Variants in SLC2A9 observed in about 807,000 individuals in gnomAD.
SLC2A9 encodes solute carrier family 2, facilitated glucose transporter member 9.
A neutral mutation model predicts 50.6 loss-of-function variants in SLC2A9; 39 were observed. The ratio of observed to expected loss-of-function variants is 0.77; its 90% CI spans 0.60 to 1.01. The LOEUF is 1.01. SLC2A9 is among the 50% of genes least tolerant of loss of function. SLC2A9 has a pLI of 0.00. For synonymous variants in SLC2A9, 324 were observed against 276.9 expected (o/e 1.17, Z -1.69); for missense variants, 686 against 677.6 (o/e 1.01, Z -0.14).
chr4:9,996,813 T>C lies in SLC2A9; in HGVS notation c.378A>G (p.Leu126=). The C allele has an allele frequency of 6.2e-7, 1 of 1,614,024 alleles. No individual in the cohort carries two copies. The highest frequency in any genetic ancestry group is 8.5e-7 in the Non-Finnish European group (1 of 1,179,942). Residue 126 remains leucine (L), a synonymous_variant, in exon 3 of 12, where the codon TTA becomes TTG. Transcript: ENST00000264784. ...GAACCTTTCCAATCATCTTCACAAT[T>C]AACGTCCCCACAAGTCCACCGATGG... The part of the protein sequence containing the change: ...IFAIGGLVGT[L]IVKMIGKVLG...
At chr4:10,026,705 G>C (rs1241502249) in intron 1 of SLC2A9, among the ~76,000 whole-genome samples, 2 of 152,190 alleles carry the variant, frequency 1.3e-5, no homozygotes, top group African/African-American at 4.8e-5. Context: ...CGCTGATACA[G>C]GCTACAACAT....
chr4:9,917,168 A>G (rs1398447093), intron 7 of SLC2A9, among the ~76,000 whole-genome samples: 1 of 152,178 alleles, frequency 6.6e-6, no homozygotes, highest in Non-Finnish European at 1.5e-5. Flanking sequence ...CAGCTGCCTA[A>G]AATAAGTCAC....
intron 10 of SLC2A9, among the ~76,000 whole-genome samples, chr4:9,857,711 C>T (rs1032563499): frequency 2.0e-5 from 3 of 152,254 alleles, no homozygotes; most frequent in Admixed American, 6.5e-5. Flanking sequence ...ACAGCAGGAA[C>T]TTGCCCTGAA....
intron 2 of SLC2A9, chr4:10,009,649 G>A (rs1381448892): frequency 2.0e-5 from 3 of 152,142 alleles, no homozygotes; most frequent in African/African-American, 7.2e-5. Flanking sequence ...AAAAACCACT[G>A]GAAAAGTGAG....
At chr4:9,888,891 G>C (rs1278197500) in intron 9 of SLC2A9, among the ~76,000 whole-genome samples, 2 of 152,084 alleles carry the variant, frequency 1.3e-5, no homozygotes, top group Non-Finnish European at 2.9e-5. Context: ...TACACTGTAT[G>C]GCTTGCTTCT....
rs1175166447 is a variant in SLC2A9, at chr4:9,845,427, C to CTTTTTTTTTTTTTTTTTTTTTTTT, written c.1292-10420_1292-10419insAAAAAAAAAAAAAAAAAAAAAAAA. Among the ~76,000 whole-genome samples the CTTTTTTTTTTTTTTTTTTTTTTTT allele has an allele frequency of 2.2e-4, 24 of 108,678 alleles. 2 individuals are homozygous for CTTTTTTTTTTTTTTTTTTTTTTTT. The highest frequency in any genetic ancestry group is 4.5e-4 in the African/African-American group (11 of 24,534). 71.3% of individuals were successfully genotyped at this position (108,678 alleles called of 152,430 possible). ...CCAATGGAACCACGATCATCAATTT[C>CTTTTTTTTTTTTTTTTTTTTTTTT]TTTTTTTTTTTTTTTTTTTTGAGAC... On this transcript the variant is annotated intron_variant, in intron 10 of 11. Transcript: ENST00000264784.
At chr4:9,985,325 C>T (rs1280643581) in intron 4 of SLC2A9, among the ~76,000 whole-genome samples, 1 of 152,132 alleles carries the variant, frequency 6.6e-6, no homozygotes, top group African/African-American at 2.4e-5. Context: ...GAAGAAACCC[C>T]ATCCTCATAA....
chr4:9,849,515 T>C (rs916968882), intron 10 of SLC2A9, among the ~76,000 whole-genome samples: 3 of 152,216 alleles, frequency 2.0e-5, no homozygotes, highest in East Asian at 3.8e-4. Context: ...TGTTTTGACA[T>C]AGACTTTCTT....
intron 3 of SLC2A9, among the ~76,000 whole-genome samples, chr4:9,790,570 T>C (rs946027424): frequency 1.3e-5 from 2 of 152,146 alleles, no homozygotes; most frequent in African/African-American, 2.4e-5. Context: ...TGGAGGGGCC[T>C]GGTTAATAAA....
At chr4:9,784,999 T>A (rs1458956732) in intron 3 of SLC2A9, among the ~76,000 whole-genome samples, 1 of 152,156 alleles carries the variant, frequency 6.6e-6, no homozygotes, top group African/African-American at 2.4e-5. Context: ...TGAAAGCAAA[T>A]CCTATTCAGT....
In SLC2A9 at chr4:10,018,983, G is replaced by A; in HGVS notation, c.241C>T (p.Pro81Ser). The A allele has an allele frequency of 1.9e-6, 3 of 1,549,838 alleles. No homozygotes were observed. The highest frequency in any genetic ancestry group is 1.7e-6 in the Non-Finnish European group (2 of 1,146,868). Residue 81 changes from proline to serine, a missense_variant, in exon 2 of 12, where the codon CCC becomes TCC. Physicochemically the swap from Pro to Ser is moderately conservative, Grantham distance 74. Transcript: ENST00000264784. ...YGYNLSVVNAPTPYIKAFYNE... is the reference protein window; with the variant it reads ...YGYNLSVVNASTPYIKAFYNE... ...CCTTGGCGCGCACTCACCGGGGTGG[G>A]GGCATTCACCACCGACAGGTTGTAG...
intron 2 of SLC2A9, among the ~76,000 whole-genome samples, chr4:10,008,144 C>T (rs1052897473): frequency 1.3e-5 from 2 of 152,254 alleles, no homozygotes; most frequent in Non-Finnish European, 2.9e-5. Context: ...CTAAGCTGAG[C>T]TTCCTGGAGA....
At chr4:10,009,372 T>C (rs1761371310) in intron 2 of SLC2A9, 1 of 152,248 alleles carries the variant, frequency 6.6e-6, no homozygotes, top group Non-Finnish European at 1.5e-5. Context: ...TTCACTTGAA[T>C]CTTGTTTGAT....
intron 6 of SLC2A9, among the ~76,000 whole-genome samples, chr4:9,932,530 G>T (rs1303391456): frequency 2.6e-5 from 4 of 152,234 alleles, no homozygotes; most frequent in Non-Finnish European, 5.9e-5. Flanking sequence ...GCAGTGAGAA[G>T]AGGGGACACT....
In SLC2A9 at chr4:9,904,755, G is replaced by T. The variant is rs568311158; in HGVS notation, c.1113+3480C>A. Among the ~76,000 whole-genome samples the T allele has an allele frequency of 2.6e-5, 4 of 152,306 alleles. No homozygotes were observed. The South Asian group carries it at 8.3e-4, about 32-fold the overall frequency. On this transcript the variant is annotated intron_variant, in intron 8 of 11. Coordinates refer to ENST00000264784, the MANE Select transcript of SLC2A9 (RefSeq NM_020041.3). ...GAATTCAGAGTAGCCTCATCCTAAA[G>T]CCAAAGCTGTTTCTCCCCAGAACAT...
Position 9,858,811 on chromosome 4 carries a change from G to A in SLC2A9, c.1292-23803C>T, listed in dbSNP as rs185957569. 5.2e-3 allele frequency among the ~76,000 whole-genome samples: 799 copies of A among 152,306 alleles called. 4 individuals carry two copies. Among genetic ancestry groups the A allele is most frequent in the African/African-American group, 0.018 (733 of 41,568 alleles). On this transcript the variant is annotated intron_variant, in intron 10 of 11. Transcript: ENST00000264784. ...CCAAAGGAGATTAACATTTGAGTCA[G>A]TGGACTGGGAGAGGCAGACCCACCC...
chr4:9,910,096 G>T (rs1741438895), intron 7 of SLC2A9, among the ~76,000 whole-genome samples: 1 of 152,264 alleles, frequency 6.6e-6, no homozygotes, highest in Non-Finnish European at 1.5e-5. Flanking sequence ...GGCATACCAA[G>T]AGATGCCAGT....
At chr4:9,845,423 A>ATTTTTTTTTTTTTTTT (rs1183351674) in intron 10 of SLC2A9, among the ~76,000 whole-genome samples, 40 of 130,770 alleles carry the variant, frequency 3.1e-4, no homozygotes, top group African/African-American at 1.1e-3. Flanking sequence ...ACGATCATCA[A>ATTTTTTTTTTTTTTTT]TTTCTTTTTT....
intron 5 of SLC2A9, among the ~76,000 whole-genome samples, chr4:9,949,756 G>T (rs1749872025): frequency 6.6e-6 from 1 of 152,120 alleles, no homozygotes; most frequent in Non-Finnish European, 1.5e-5. Flanking sequence ...CTCCTCTATG[G>T]CAGGTCCTAT....
Sources: allele counts gnomAD v4.1 joint callset (sites outside exome capture counted in the v4.1 genomes callset), GRCh38; gene constraint gnomAD v4.1.1; transcripts MANE v1.5; gene names NCBI Gene and HGNC (gene_info 2026-07-23, HGNC 2026-07-21).